MINDY4: variants seen among roughly 807,000 people sequenced by gnomAD.
MINDY4 encodes probable ubiquitin carboxyl-terminal hydrolase MINDY-4.
In MINDY4, 68 loss-of-function variants were observed where a neutral mutation model predicts 87.0. The observed-to-expected ratio is 0.78, with a 90% CI of 0.64 to 0.96. MINDY4 has a LOEUF of 0.96. Ranked by LOEUF, MINDY4 falls within the 40% of genes least tolerant of loss-of-function variation. MINDY4 has a pLI of 0.00. For synonymous variants in MINDY4, 379 were observed against 363.2 expected, an observed-to-expected ratio of 1.04 and a Z score of -0.50; for missense variants, 919 against 928.2, an observed-to-expected ratio of 0.99 and a Z score of 0.13.
chr7:30,783,343 T>C (rs933970886), intron 3 of MINDY4, among the ~76,000 whole-genome samples: 5 of 152,248 alleles, frequency 3.3e-5, no homozygotes, highest in South Asian at 2.1e-4. Context: ...TGTGATTACA[T>C]TGGGCCCACC....
At chr7:30,833,830 A>G (rs1788779985) in intron 6 of MINDY4, among the ~76,000 whole-genome samples, 1 of 152,266 alleles carries the variant, frequency 6.6e-6, no homozygotes, top group African/African-American at 2.4e-5. Flanking sequence ...GGCCCTACGC[A>G]AGTCCAAAAT....
chr7:30,869,091 C>G (rs1790026077), intron 13 of MINDY4, among the ~76,000 whole-genome samples: 1 of 152,266 alleles, frequency 6.6e-6, no homozygotes, highest in Admixed American at 6.5e-5. Flanking sequence ...CCTCCTGGCT[C>G]CTGTCATCCA....
chr7:30,806,541 T>C (rs1787810449), intron 5 of MINDY4, among the ~76,000 whole-genome samples: 1 of 151,570 alleles, frequency 6.6e-6, no homozygotes, highest in African/African-American at 2.4e-5. Context: ...GTGAGAAGGA[T>C]GGAAAGTGAG....
intron 5 of MINDY4, chr7:30,802,930 C>CACCCAACCAACCA: frequency 6.6e-6 from 1 of 152,170 alleles, no homozygotes; most frequent in East Asian, 1.9e-4. Flanking sequence ...TCATCTCACC[C>CACCCAACCAACCA]ACCCAACCAA....
intron 5 of MINDY4, among the ~76,000 whole-genome samples, chr7:30,793,858 G>A (rs80350119): frequency 0.04 from 6,062 of 152,268 alleles, 211 homozygotes; most frequent in East Asian, 0.21. Flanking sequence ...GGGAAGAATG[G>A]CCAGGTGGGC....
At chr7:30,888,715 A>T (rs966874239) in intron 17 of MINDY4, among the ~76,000 whole-genome samples, 2 of 152,198 alleles carry the variant, frequency 1.3e-5, no homozygotes, top group African/African-American at 4.8e-5. Flanking sequence ...TTCAATTTTT[A>T]AAATGTCTCT....
At chr7:30,822,944 T>C (rs1239368671) in intron 5 of MINDY4, among the ~76,000 whole-genome samples, 1 of 152,084 alleles carries the variant, frequency 6.6e-6, no homozygotes, top group African/African-American at 2.4e-5. Flanking sequence ...GTGCCCAGCC[T>C]CTAGTCTATT....
In MINDY4 at chr7:30,867,869, A is replaced by G. The variant is rs1233821243; in HGVS notation, c.1746-4374A>G. Among the ~76,000 whole-genome samples the G allele has an allele frequency of 3.3e-5, 5 of 152,148 alleles. No homozygotes were observed. The East Asian group carries it at 7.7e-4, about 23-fold the overall frequency. On this transcript the variant is annotated intron_variant, in intron 13 of 17. Coordinates refer to ENST00000265299, the MANE Select transcript of MINDY4 (RefSeq NM_032222.3). The stretch of plus-strand genomic sequence containing the variant: ...GCCTGCTTCAGGCTTGGTGTTTTCA[A>G]TAGAGTCATGGACCAGGCACACTTG...
At chr7:30,816,561 C>G (rs796336955) in intron 5 of MINDY4, among the ~76,000 whole-genome samples, 16 of 152,254 alleles carry the variant, frequency 1.1e-4, no homozygotes, top group African/African-American at 3.6e-4. Context: ...AGCCTGGGCC[C>G]GATGGCTTTT....
intron 5 of MINDY4, among the ~76,000 whole-genome samples, chr7:30,825,681 C>A (rs920765211): frequency 7.2e-5 from 11 of 152,244 alleles, no homozygotes; most frequent in African/African-American, 2.7e-4. Flanking sequence ...CTGTGAGAAT[C>A]ATCTGGCATT....
chr7:30,808,292 C>T (rs1212218698), intron 5 of MINDY4, among the ~76,000 whole-genome samples: 2 of 152,132 alleles, frequency 1.3e-5, no homozygotes, highest in East Asian at 1.9e-4. Flanking sequence ...TGAGTGGAAG[C>T]GTGGCCTGAT....
intron 5 of MINDY4, among the ~76,000 whole-genome samples, chr7:30,809,527 T>C (rs1433675266): frequency 6.6e-6 from 1 of 151,600 alleles, no homozygotes; most frequent in African/African-American, 2.4e-5. Context: ...GGACCATCGA[T>C]GGTTCCTCCC....
intron 5 of MINDY4, among the ~76,000 whole-genome samples, chr7:30,820,399 A>G (rs1788291998): frequency 6.6e-6 from 1 of 152,170 alleles, no homozygotes; most frequent in South Asian, 2.1e-4. Flanking sequence ...ACCATTTGAA[A>G]GTGAACAATT....
intron 14 of MINDY4, among the ~76,000 whole-genome samples, chr7:30,872,873 C>G (rs1362813447): frequency 6.6e-6 from 1 of 151,916 alleles, no homozygotes; most frequent in Non-Finnish European, 1.5e-5. Context: ...TAGTGAGCAT[C>G]AAAACTGGGA....
chr7:30,771,659 C>T (rs1368445137), intron 1 of MINDY4, 103 bp downstream of exon 1: 8 of 1,116,214 alleles, frequency 7.2e-6, no homozygotes, highest in Middle Eastern at 2.5e-4. Context: ...GCGCCCGTTC[C>T]CTACCTACTG....
intron 1 of MINDY4, among the ~76,000 whole-genome samples, chr7:30,774,103 G>T (rs1347304108): frequency 1.3e-5 from 2 of 152,216 alleles, no homozygotes; most frequent in East Asian, 3.8e-4. Context: ...CCTTATGGGT[G>T]CCTGCCCACC....
At chr7:30,867,982 A>G (rs1789991735) in intron 13 of MINDY4, among the ~76,000 whole-genome samples, 4 of 152,354 alleles carry the variant, frequency 2.6e-5, no homozygotes, top group Admixed American at 2.6e-4. Context: ...AGGTCAGGAC[A>G]TGCCTGAGGT....
At chr7:30,856,562 G>T (rs906308319) in intron 12 of MINDY4, among the ~76,000 whole-genome samples, 3 of 151,978 alleles carry the variant, frequency 2.0e-5, no homozygotes, top group Admixed American at 6.5e-5. Context: ...TTCACTGCAG[G>T]TAGGTAGGCG....
chr7:30,801,999 G>T (rs1787666094), intron 5 of MINDY4, among the ~76,000 whole-genome samples: 1 of 151,656 alleles, frequency 6.6e-6, no homozygotes, highest in Admixed American at 6.6e-5. Flanking sequence ...CTGGGAAGAT[G>T]TTCCATGCAG....
Sources: gnomAD v4.1 joint callset for allele counts (sites outside exome capture counted in the v4.1 genomes callset) on GRCh38, gnomAD v4.1.1 for gene constraint, MANE v1.5 for transcripts, NCBI Gene and HGNC (gene_info 2026-07-23, HGNC 2026-07-21) for gene names.